The following IL4I1 variants were observed in gnomAD, a reference collection of about 807,000 sequenced individuals.
IL4I1 encodes the protein L-amino-acid oxidase.
Under a neutral mutation model 29.7 loss-of-function variants are expected in IL4I1, and 24 were observed. The ratio of observed to expected loss-of-function variants is 0.81; its 90% CI spans 0.59 to 1.14. IL4I1 has a LOEUF of 1.14. IL4I1 is among the 50% of genes most tolerant of loss of function. The pLI is 0.00. For missense variants in IL4I1, 686 were observed against 785.6 expected, an observed-to-expected ratio of 0.87 and a Z score of 1.52; for synonymous variants, 371 against 352.5, an observed-to-expected ratio of 1.05 and a Z score of -0.59.
chr19:49,901,973 T>A, intron 3 of IL4I1: 1 of 281,186 alleles, frequency 3.6e-6, no homozygotes. Flanking sequence ...TCACTGGATT[T>A]ATTTTAGAGC....
At chr19:49,916,494 C>T (rs956477827) in intron 2 of IL4I1, among the ~76,000 whole-genome samples, 21 of 151,414 alleles carry the variant, frequency 1.4e-4, no homozygotes, top group African/African-American at 1.9e-4. Flanking sequence ...AAAAATTAGG[C>T]CAGGCGCGGT....
chr19:49,907,351 G>T (rs565372770), intron 2 of IL4I1: 7 of 312,644 alleles, frequency 2.2e-5, no homozygotes, highest in Non-Finnish European at 3.1e-5. Context: ...CAGGCCTCTC[G>T]GCGCCCATCT....
intron 2 of IL4I1, among the ~76,000 whole-genome samples, chr19:49,924,558 C>T (rs2075839691): frequency 6.6e-6 from 1 of 152,178 alleles, no homozygotes; most frequent in Non-Finnish European, 1.5e-5. Context: ...CCCAGTAGCC[C>T]CACCCTTGCT....
chr19:49,908,716 C>T (rs762609312), intron 2 of IL4I1: 6 of 1,612,786 alleles, frequency 3.7e-6, no homozygotes, highest in Non-Finnish European at 5.1e-6. Flanking sequence ...TCTCGATCAG[C>T]GTGCGGTCCC....
chr19:49,913,820 C>T (rs1312886817), intron 2 of IL4I1, among the ~76,000 whole-genome samples: 1 of 152,140 alleles, frequency 6.6e-6, no homozygotes, highest in Non-Finnish European at 1.5e-5. Flanking sequence ...GAGAATCTGG[C>T]AGACCCATAC....
intron 1 of IL4I1, chr19:49,928,409 C>G (rs901390179): frequency 2.0e-5 from 3 of 151,362 alleles, no homozygotes; most frequent in African/African-American, 2.4e-5. Flanking sequence ...CCCAGCTACT[C>G]GGGAGGCTGA....
At chr19:49,926,141 G>A (rs574743791) in intron 2 of IL4I1, among the ~76,000 whole-genome samples, 12 of 150,790 alleles carry the variant, frequency 8.0e-5, no homozygotes, top group Middle Eastern at 3.4e-3. Flanking sequence ...CCTGGGAGGC[G>A]GTGGTTGCAG....
At chr19:49,926,249 C>G (rs560451722) in intron 2 of IL4I1, among the ~76,000 whole-genome samples, 1 of 138,286 alleles carries the variant, frequency 7.2e-6, no homozygotes, top group African/African-American at 2.7e-5. Flanking sequence ...TTGCTTAAGA[C>G]TGGGTGTGGT....
intron 2 of IL4I1, among the ~76,000 whole-genome samples, chr19:49,913,528 C>T (rs530368636): frequency 3.9e-5 from 6 of 152,322 alleles, no homozygotes; most frequent in African/African-American, 1.4e-4. Flanking sequence ...TCCCCACAAC[C>T]CGGGCCGCCA....
At chr19:49,908,822 G>A (rs775808802) in intron 2 of IL4I1, 6 of 1,613,384 alleles carry the variant, frequency 3.7e-6, no homozygotes, top group South Asian at 1.1e-5. Flanking sequence ...CTGCGCGTAG[G>A]TCATGGCGGA....
At chr19:49,924,112 G>A (rs2075827984) in intron 2 of IL4I1, among the ~76,000 whole-genome samples, 1 of 150,786 alleles carries the variant, frequency 6.6e-6, no homozygotes, top group African/African-American at 2.4e-5. Flanking sequence ...TGAGGTGAGG[G>A]TCAGGGCTTG....
Position 49,912,954 on chromosome 19 carries a change from GC to G in IL4I1, c.-227-8634del, listed in dbSNP as rs2075513719. 6 of 152,408 alleles carry G rather than the reference GC, an allele frequency of 3.9e-5. 1 individual carries two copies. Among genetic ancestry groups the G allele is most frequent in the Admixed American group, 3.9e-4 (6 of 15,304 alleles). The allele number at this position is 152,408 out of a possible 1,614,324, so 9.4% of individuals were successfully genotyped here. A position where few individuals can be genotyped will look rare whatever the true frequency, so the allele number is the denominator to read the frequency against. On this transcript the variant is annotated intron_variant, in intron 2 of 9. Transcript: ENST00000341114. Reference sequence around the variant, plus strand: ...CCACTTGACAAATGAGGAAAGTGAAGCCCAGAGTGGCTGGTTAAGCCACGGT... The same window carrying G: ...CCACTTGACAAATGAGGAAAGTGAAGCCAGAGTGGCTGGTTAAGCCACGGT...
At chr19:49,914,726 G>GTTTTGTTTTTTTTTTTTTTTT (rs2075575701) in intron 2 of IL4I1, among the ~76,000 whole-genome samples, 1 of 56,362 alleles carries the variant, frequency 1.8e-5, no homozygotes, top group African/African-American at 6.5e-5. Flanking sequence ...CCAAGTCCCA[G>GTTTTGTTTTTTTTTTTTTTTT]TTTTTTTTTT....
At chr19:49,896,208 G>A in intron 1 of IL4I1, 26 bp from the exon 2 acceptor site, 1 of 1,485,026 alleles carries the variant, frequency 6.7e-7, no homozygotes, top group East Asian at 2.5e-5. Flanking sequence ...AGGGAGGGCT[G>A]TTGTGACTGA....
At chr19:49,923,031 G>A (rs1230348934) in intron 2 of IL4I1, among the ~76,000 whole-genome samples, 2 of 152,166 alleles carry the variant, frequency 1.3e-5, no homozygotes, top group African/African-American at 2.4e-5. Flanking sequence ...TGGCATCCTG[G>A]GCTCTAGGAC....
intron 3 of IL4I1, 62 bp downstream of exon 3, chr19:49,895,753 G>A (rs1251560948): frequency 6.1e-6 from 8 of 1,313,262 alleles, no homozygotes; most frequent in Admixed American, 5.2e-5. Context: ...GTGTCCCTGT[G>A]CCCAGGGACT....
chr19:49,901,750 TCCTTGTTAGTGGTGC>T, upstream of IL4I1: 1 of 1,472,296 alleles, frequency 6.8e-7, no homozygotes. Context: ...GGTGGCTTTG[TCCTTGTTAGTGGTGC>T]CCTTGTTAGA....
In IL4I1 at chr19:49,890,618, C is replaced by CGGGGT; in HGVS notation, c.774-23_774-19dup. On this transcript the variant is annotated intron_variant, in intron 7 of 7. Transcript: ENST00000391826. ...GGCTGTACCTGCAGGCGGGGCGGGG[C>CGGGGT]GGGGTGGGGGCGTGACCTGGGCTCT... is the stretch of plus-strand genomic sequence containing the variant. The CGGGGT allele has an allele frequency of 1.0e-6, 1 of 1,001,020 alleles. No homozygotes were observed. The highest frequency in any genetic ancestry group is 1.4e-6 in the Non-Finnish European group (1 of 705,906). 62.0% of individuals were successfully genotyped at this position (1,001,020 alleles called of 1,614,324 possible). A position where few individuals can be genotyped will look rare whatever the true frequency, so the allele number is the denominator to read the frequency against.
intron 5 of IL4I1, among the ~76,000 whole-genome samples, chr19:49,891,972 C>T (rs1445377524): frequency 6.6e-6 from 1 of 152,006 alleles, no homozygotes; most frequent in Non-Finnish European, 1.5e-5. Flanking sequence ...GTTTATCTAC[C>T]GTCCGTCCCC....
Sources: gnomAD v4.1 joint callset for allele counts (sites outside exome capture counted in the v4.1 genomes callset) on GRCh38, gnomAD v4.1.1 for gene constraint, MANE v1.5 for transcripts, NCBI Gene and HGNC (gene_info 2026-07-23, HGNC 2026-07-21) for gene names.